Variants in CMC2 observed in about 807,000 individuals in gnomAD.
The protein encoded by CMC2 is COX assembly mitochondrial protein 2 homolog.
CMC2 carries 5 observed loss-of-function variants against 7.5 expected under a neutral mutation model. The ratio of observed to expected loss-of-function variants is 0.66; its 90% confidence interval spans 0.35 to 1.40. CMC2 has a LOEUF of 1.40. Ranked by LOEUF, CMC2 falls within the 40% of genes most tolerant of loss-of-function variation. The pLI is 0.04. For synonymous variants in CMC2, 37 were observed against 31.4 expected (o/e 1.18, Z -0.60); for missense variants, 115 against 92.3 (o/e 1.25, Z -1.01).
chr16:80,982,710 T>C (rs1967218793), intron 2 of CMC2: 2 of 152,128 alleles, frequency 1.3e-5, no homozygotes, highest in African/African-American at 4.8e-5. Context: ...TAAAATTAAC[T>C]GCGGTATATA....
intron 2 of CMC2, among the ~76,000 whole-genome samples, chr16:80,986,058 T>C (rs1967504925): frequency 6.6e-6 from 1 of 152,052 alleles, no homozygotes; most frequent in African/African-American, 2.4e-5. Flanking sequence ...ATTAAAAAGG[T>C]GACAATGAGC....
chr16:80,999,000 A>C (rs1477103924), intron 1 of CMC2: 1 of 152,222 alleles, frequency 6.6e-6, no homozygotes, highest in African/African-American at 2.4e-5. Context: ...TGAACAGGCA[A>C]AAGATGGAAG....
chr16:80,995,901 T>C (rs759121763), intron 2 of CMC2, among the ~76,000 whole-genome samples: 10 of 152,162 alleles, frequency 6.6e-5, no homozygotes, highest in Admixed American at 1.3e-4. Context: ...AATAGATGCA[T>C]TTCCTTACAT....
intron 3 of CMC2, among the ~76,000 whole-genome samples, chr16:80,980,553 G>C (rs1324340595): frequency 2.7e-4 from 13 of 49,036 alleles, no homozygotes; most frequent in African/African-American, 1.1e-3. Flanking sequence ...ATGTAAACTG[G>C]CTTTTTCATA....
At chr16:81,005,431 T>A (rs926896933) in intron 1 of CMC2, among the ~76,000 whole-genome samples, 10 of 150,326 alleles carry the variant, frequency 6.7e-5, no homozygotes, top group African/African-American at 2.4e-4. Flanking sequence ...TTTAAATATA[T>A]ATATATATAA....
chr16:80,988,076 C>T (rs993063897), intron 2 of CMC2, among the ~76,000 whole-genome samples: 5 of 151,956 alleles, frequency 3.3e-5, no homozygotes, highest in African/African-American at 1.2e-4. Context: ...CCCATCTGCT[C>T]AGGAGGATGA....
intron 2 of CMC2, chr16:80,982,616 A>AAC (rs1316137929): frequency 2.0e-5 from 3 of 152,036 alleles, no homozygotes; most frequent in Admixed American, 6.6e-5. Context: ...TATCAAAACT[A>AAC]ACACACACAC....
At position 80,975,701 on chromosome 16, in the gene CMC2, A is replaced by G. The variant is rs1239570517; in HGVS notation, c.*392T>C. 4 of 157,412 alleles carry G rather than the reference A, an allele frequency of 2.5e-5. No individual in the cohort carries two copies. The highest frequency in any genetic ancestry group is 2.5e-4 in the Admixed American group (4 of 16,012). 9.8% of individuals were successfully genotyped at this position (157,412 alleles called of 1,614,324 possible). On this transcript the variant is annotated 3_prime_UTR_variant, in exon 4 of 4. Transcript: ENST00000219400. The stretch of plus-strand genomic sequence containing the variant: ...TTTTCAAATAGTTAACACTGCTGGG[A>G]TTTCCCCAGAATTCTTCAACATCAT...
chr16:80,996,348 A>G (rs75396436), intron 2 of CMC2, among the ~76,000 whole-genome samples: 2,843 of 152,294 alleles, frequency 0.019, 90 homozygotes, highest in African/African-American at 0.065. Context: ...GACCATATAC[A>G]AATTGAAATA....
At chr16:80,987,406 T>G (rs577541813) in intron 2 of CMC2, among the ~76,000 whole-genome samples, 3 of 152,354 alleles carry the variant, frequency 2.0e-5, no homozygotes, top group African/African-American at 7.2e-5. Context: ...TGCTTTATAC[T>G]TTCCTACTTT....
intron 3 of CMC2, among the ~76,000 whole-genome samples, chr16:80,979,239 A>G (rs1966919403): frequency 6.6e-6 from 1 of 152,218 alleles, no homozygotes; most frequent in Non-Finnish European, 1.5e-5. Flanking sequence ...ACAGAAAAAC[A>G]TCTACAAATT....
Position 81,006,814 on chromosome 16 carries a change from C to G in CMC2, c.-116G>C, listed in dbSNP as rs1288159726. The G allele has an allele frequency of 4.1e-6, 4 of 985,618 alleles. No homozygotes were observed. Among genetic ancestry groups the G allele is most frequent in the Non-Finnish European group, 4.8e-6 (4 of 830,082 alleles). The allele number at this position is 985,618 out of a possible 1,614,324, so 61.1% of individuals were successfully genotyped here. ...GACCCGAAGGCCGGCTGCTAGGGAGCAGACAGCTGAACCGCTTGCCAGACG... is the reference window on the plus strand; with the variant it reads ...GACCCGAAGGCCGGCTGCTAGGGAGGAGACAGCTGAACCGCTTGCCAGACG... On this transcript the variant is annotated 5_prime_UTR_variant, in exon 1 of 4. Transcript: ENST00000219400.
chr16:81,003,821 A>G (rs1969037052), intron 1 of CMC2, among the ~76,000 whole-genome samples: 1 of 152,214 alleles, frequency 6.6e-6, no homozygotes, highest in Admixed American at 6.5e-5. Context: ...CTAGTCAGCT[A>G]CTCACAAGTT....
Position 80,968,436 on chromosome 16 carries a change from C to G in CMC2, c.*7657G>C, listed in dbSNP as rs1301732800. 6.6e-6 allele frequency: 1 copy of G among 152,190 alleles called. No individual in the cohort carries two copies. The highest frequency in any genetic ancestry group is 1.9e-4 in the East Asian group (1 of 5,182). The allele number at this position is 152,190 out of a possible 1,614,324, so 9.4% of individuals were successfully genotyped here. ...AAGCTGCTGGCCCACGGACCACAGT[C>G]TAATGGCCCAAATGCAGATGAAGAT... On this transcript the variant is annotated 3_prime_UTR_variant, in exon 4 of 4. Transcript: ENST00000219400.
intron 2 of CMC2, among the ~76,000 whole-genome samples, chr16:80,992,935 T>C (rs1968122422): frequency 6.6e-6 from 1 of 152,128 alleles, no homozygotes; most frequent in African/African-American, 2.4e-5. Flanking sequence ...CAAACGATCC[T>C]TTATCAATCT....
rs1911743837 is a variant in CMC2, at chr16:80,969,073, G to A, written c.*7020C>T. The A allele has an allele frequency of 1.3e-5, 2 of 152,232 alleles. No homozygotes were observed. Among genetic ancestry groups the A allele is most frequent in the Admixed American group, 6.5e-5 (1 of 15,278 alleles). 9.4% of individuals were successfully genotyped at this position (152,232 alleles called of 1,614,324 possible). On this transcript the variant is annotated 3_prime_UTR_variant, in exon 4 of 4. Transcript: ENST00000219400. ...GAAAAAATATGTTTCCCATTGGTAA[G>A]TTAAGTGTGTGTGTCAGAAAGTTAC...
At chr16:80,985,515 T>A (rs908569018) in intron 2 of CMC2, among the ~76,000 whole-genome samples, 1 of 152,206 alleles carries the variant, frequency 6.6e-6, no homozygotes, top group Non-Finnish European at 1.5e-5. Flanking sequence ...TAATTTATCA[T>A]TGTAATTTTA....
intron 2 of CMC2, 43 bp from the exon 3 acceptor site, chr16:80,981,920 G>T (rs759129978): frequency 9.2e-6 from 12 of 1,307,706 alleles, no homozygotes; most frequent in Admixed American, 1.8e-5. Flanking sequence ...CCCATAATAT[G>T]CCAAGGTTTG....
rs71400132 is a variant in CMC2, at chr16:81,006,640, G to C, written c.-36+94C>G. The C allele has an allele frequency of 6.3e-3, 5,764 of 915,638 alleles. 67 individuals are homozygous for C. The highest frequency in any genetic ancestry group is 0.055 in the East Asian group (470 of 8,510). The allele number at this position is 915,638 out of a possible 1,614,324, so 56.7% of individuals were successfully genotyped here. A position where few individuals can be genotyped will look rare whatever the true frequency, so the allele number is the denominator to read the frequency against. The stretch of plus-strand genomic sequence containing the variant: ...CTGGTCCCCACCTCCTGGGGCCGAC[G>C]GGCGGCAGGAAGGGGCTCGGCGGGA... On this transcript the variant is annotated intron_variant, in intron 1 of 3. Coordinates refer to ENST00000219400, the MANE Select transcript of CMC2 (RefSeq NM_020188.5).
Sources: gnomAD v4.1 joint callset for allele counts (sites outside exome capture counted in the v4.1 genomes callset) on GRCh38, gnomAD v4.1.1 for gene constraint, MANE v1.5 for transcripts, NCBI Gene and HGNC (gene_info 2026-07-23, HGNC 2026-07-21) for gene names.